Variants in GRIK4 observed in about 807,000 individuals in gnomAD.
GRIK4 encodes glutamate ionotropic receptor kainate type subunit 4.
In GRIK4, 40 loss-of-function variants were observed where a neutral mutation model predicts 104.9. The observed-to-expected ratio is 0.38, with a 90% confidence interval of 0.30 to 0.50. The LOEUF (loss-of-function observed/expected upper bound fraction) is 0.50, where lower values mean the gene tolerates loss of function less well. Among genes scored for constraint, GRIK4 ranks in the 20% least tolerant of loss-of-function variants. GRIK4 has a pLI of 0.93. For missense variants in GRIK4, 1,047 were observed against 1,308.1 expected (o/e 0.80, Z 3.08); for synonymous variants, 485 against 524.9 (o/e 0.92, Z 1.04).
At chr11:120,740,879 A>G (rs1951315786) in intron 3 of GRIK4, among the ~76,000 whole-genome samples, 1 of 152,126 alleles carries the variant, frequency 6.6e-6, no homozygotes, top group Admixed American at 6.5e-5. Context: ...ACCTTACCAT[A>G]GAGACGAGGC....
At chr11:120,608,951 G>T (rs1268302303) in intron 1 of GRIK4, among the ~76,000 whole-genome samples, 4 of 152,244 alleles carry the variant, frequency 2.6e-5, no homozygotes. Flanking sequence ...GGCAGGGAGA[G>T]TGTTGAATCT....
intron 2 of GRIK4, among the ~76,000 whole-genome samples, chr11:120,657,712 G>T (rs984384468): frequency 6.6e-6 from 1 of 152,228 alleles, no homozygotes; most frequent in Non-Finnish European, 1.5e-5. Context: ...GTGAGCAGAG[G>T]GGTGTTCTTT....
chr11:120,539,061 G>A (rs539775633), intron 1 of GRIK4, among the ~76,000 whole-genome samples: 1 of 152,366 alleles, frequency 6.6e-6, no homozygotes, highest in African/African-American at 2.4e-5. Flanking sequence ...CAAGTGAGAG[G>A]CACCCAGCCG....
chr11:120,675,410 T>C (rs10892603), intron 3 of GRIK4, among the ~76,000 whole-genome samples: 23,681 of 152,210 alleles, frequency 0.16, 2,003 homozygotes, highest in South Asian at 0.23. Context: ...ACTTACTAGC[T>C]AAGTGCTTGT....
At chr11:120,891,905 G>A (rs1955310801) in intron 11 of GRIK4, among the ~76,000 whole-genome samples, 1 of 152,190 alleles carries the variant, frequency 6.6e-6, no homozygotes, top group Non-Finnish European at 1.5e-5. Flanking sequence ...AGGTCCACGT[G>A]ATAAATATTT....
intron 2 of GRIK4, among the ~76,000 whole-genome samples, chr11:120,659,714 A>G (rs1169619551): frequency 1.3e-5 from 2 of 152,094 alleles, no homozygotes; most frequent in Admixed American, 6.5e-5. Flanking sequence ...CATGGCTCCA[A>G]TTCCTTAAGG....
chr11:120,639,476 A>T (rs528378020), intron 1 of GRIK4, among the ~76,000 whole-genome samples: 20 of 151,894 alleles, frequency 1.3e-4, no homozygotes, highest in African/African-American at 4.6e-4. Context: ...TCCTTCCTCT[A>T]ATCTCCTGGG....
intron 3 of GRIK4, among the ~76,000 whole-genome samples, chr11:120,799,117 TC>T (rs1343848175): frequency 6.6e-6 from 1 of 152,156 alleles, no homozygotes; most frequent in Non-Finnish European, 1.5e-5. Flanking sequence ...ATCAAAACAT[TC>T]CCAGTCCCCA....
intron 1 of GRIK4, among the ~76,000 whole-genome samples, chr11:120,516,321 A>C (rs981086161): frequency 6.6e-6 from 1 of 151,962 alleles, no homozygotes; most frequent in African/African-American, 2.4e-5. Context: ...GGTGCTCAGG[A>C]ATGGGGGAAG....
At chr11:120,854,415 G>A (rs1050993224) in intron 8 of GRIK4, among the ~76,000 whole-genome samples, 3 of 152,242 alleles carry the variant, frequency 2.0e-5, no homozygotes, top group East Asian at 1.9e-4. Context: ...ATGGGTGCAA[G>A]CGTTAACACT....
chr11:120,787,424 GTTATT>G lies in GRIK4; in HGVS notation c.83-15242_83-15238del, dbSNP rs372142776. ...TTTAATTTCACCTATTTCTTTTGAT[GTTATT>G]TTATTTTATTTTATTTTATTTTATT... On this transcript the variant is annotated intron_variant, in intron 3 of 20. Transcript: ENST00000527524. Among the ~76,000 whole-genome samples the G allele has an allele frequency of 4.3e-3, 650 of 151,444 alleles. 3 individuals are homozygous for G. The highest frequency in any genetic ancestry group is 9.6e-3 in the African/African-American group (396 of 41,318).
At chr11:120,551,778 A>AAAATAAATAAAT (rs35993230) in intron 1 of GRIK4, among the ~76,000 whole-genome samples, 17 of 150,258 alleles carry the variant, frequency 1.1e-4, no homozygotes, top group African/African-American at 4.0e-4. Flanking sequence ...GAGACTCTGT[A>AAAATAAATAAAT]AAATAAATAA....
chr11:120,757,667 C>T (rs1951676258), intron 3 of GRIK4, among the ~76,000 whole-genome samples: 1 of 152,096 alleles, frequency 6.6e-6, no homozygotes, highest in South Asian at 2.1e-4. Flanking sequence ...GGCTTGGGCT[C>T]TAGAAATACT....
intron 8 of GRIK4, among the ~76,000 whole-genome samples, chr11:120,838,975 C>T (rs531984938): frequency 4.6e-5 from 7 of 152,190 alleles, no homozygotes; most frequent in South Asian, 2.1e-4. Context: ...TTAGTAGAGA[C>T]GGCGTTTCAC....
chr11:120,842,960 T>G lies in GRIK4; in HGVS notation c.744+6116T>G, dbSNP rs118160045. ...CCAGCAACTAATGAACCCAGAGAGA[T>G]ATGCAGTCACTGCCTAACAGAAAAG... On this transcript the variant is annotated intron_variant, in intron 8 of 20. Transcript: ENST00000527524. 2.1e-3 allele frequency among the ~76,000 whole-genome samples: 314 copies of G among 152,376 alleles called. 7 individuals are homozygous for G. The East Asian group carries it at 0.053, about 26-fold the overall frequency.
At chr11:120,598,829 C>T (rs1948841135) in intron 1 of GRIK4, among the ~76,000 whole-genome samples, 1 of 152,380 alleles carries the variant, frequency 6.6e-6, no homozygotes. Flanking sequence ...AAGAGGGAAG[C>T]CTGATGCCTA....
intron 3 of GRIK4, among the ~76,000 whole-genome samples, chr11:120,706,212 T>C (rs1401776288): frequency 6.6e-6 from 1 of 152,220 alleles, no homozygotes; most frequent in African/African-American, 2.4e-5. Flanking sequence ...CTGTGGGTTC[T>C]AGGACTGACC....
chr11:120,868,983 A>C (rs1177755123), intron 9 of GRIK4: 1 of 152,222 alleles, frequency 6.6e-6, no homozygotes, highest in African/African-American at 2.4e-5. Flanking sequence ...GGAAAAAACA[A>C]TTAGGAGAGG....
At chr11:120,916,259 C>T (rs1162909046) in intron 13 of GRIK4, among the ~76,000 whole-genome samples, 3 of 152,162 alleles carry the variant, frequency 2.0e-5, no homozygotes, top group African/African-American at 7.2e-5. Context: ...GAAGTCAGGT[C>T]CTTTTCCTCT....
Sources: gnomAD v4.1 joint callset for allele counts (sites outside exome capture counted in the v4.1 genomes callset) on GRCh38, gnomAD v4.1.1 for gene constraint, MANE v1.5 for transcripts, NCBI Gene and HGNC (gene_info 2026-07-23, HGNC 2026-07-21) for gene names.